Variants in SCAF8 observed in about 807,000 individuals in gnomAD.
The protein encoded by SCAF8 is SR-related and CTD-associated factor 8.
Under a neutral mutation model 140.5 loss-of-function variants are expected in SCAF8, and 23 were observed. The ratio of observed to expected loss-of-function variants is 0.16; its 90% CI spans 0.12 to 0.23. The LOEUF (loss-of-function observed/expected upper bound fraction) is 0.23. SCAF8 is among the 10% of genes least tolerant of loss of function. The probability of loss-of-function intolerance (pLI) is 1.00; values close to 1 mark genes in which losing one functional copy is unlikely to be tolerated. For synonymous variants in SCAF8, 575 were observed against 528.9 expected (o/e 1.09, Z -1.20); for missense variants, 1,397 against 1,555.7 (o/e 0.90, Z 1.72).
chr6:154,815,776 C>G lies in SCAF8; in HGVS notation c.1481C>G (p.Thr494Ser). Reference sequence around the variant, plus strand: ...AAGAAGGCAACACAGCAAGACTTAACCAACCTGTTTGAAGAGTTTGGACAG... The same window carrying G: ...AAGAAGGCAACACAGCAAGACTTAAGCAACCTGTTTGAAGAGTTTGGACAG... Reference protein sequence around the residue: ...VDKKATQQDLTNLFEEFGQIE... With the variant: ...VDKKATQQDLSNLFEEFGQIE... The change falls in exon 13 of 20, where the codon ACC becomes AGC. Residue 494 changes from threonine to serine, a missense_variant. By Grantham distance (58) the Thr-to-Ser change is moderately conservative (BLOSUM62 1). Around this residue, in one of 5 missense-constraint regions of SCAF8, gnomAD observed 59 missense variants for 110.7 expected, o/e 0.53. Coordinates refer to ENST00000367178, the MANE Select transcript of SCAF8 (RefSeq NM_014892.5). The G allele has an allele frequency of 6.2e-7, 1 of 1,612,896 alleles. No individual in the cohort carries two copies. Among genetic ancestry groups the G allele is most frequent in the Non-Finnish European group, 8.5e-7 (1 of 1,179,128 alleles).
At chr6:154,738,827 C>T (rs895291527) in intron 1 of SCAF8, among the ~76,000 whole-genome samples, 2 of 152,214 alleles carry the variant, frequency 1.3e-5, no homozygotes, top group Non-Finnish European at 2.9e-5. Flanking sequence ...TATCTATACT[C>T]TGTACTTAAG....
At chr6:154,819,278 G>T (rs1778346202) in intron 14 of SCAF8, among the ~76,000 whole-genome samples, 1 of 152,046 alleles carries the variant, frequency 6.6e-6, no homozygotes. Context: ...GTCTCCTCTG[G>T]AATAAAAGAT....
chr6:154,793,026 T>C, intron 5 of SCAF8, 50 bp downstream of exon 5: 1 of 1,413,808 alleles, frequency 7.1e-7, no homozygotes, highest in Non-Finnish European at 9.5e-7. Flanking sequence ...ACTCATACTT[T>C]TTGGATGACT....
chr6:154,749,634 G>A (rs1052639124), intron 1 of SCAF8, among the ~76,000 whole-genome samples: 15 of 152,170 alleles, frequency 9.9e-5, no homozygotes, highest in Non-Finnish European at 1.8e-4. Context: ...TGTGCAAAAC[G>A]TAAAAGCTCA....
At chr6:154,784,911 C>G (rs1169121182) in intron 3 of SCAF8, among the ~76,000 whole-genome samples, 1 of 152,196 alleles carries the variant, frequency 6.6e-6, no homozygotes, top group East Asian at 1.9e-4. Flanking sequence ...AGCTCCCACT[C>G]ATTTCAAGAA....
rs146655506 is a variant in SCAF8 at position 154,832,906 on chromosome 6, C to G, written c.3327C>G (p.Val1109=). The part of the protein sequence containing the change: ...FDEREHRVLP[V]YGGPKGLHEE... ...AGAGAGAGCATCGGGTTCTACCGGTCTATGGTGGTCCAAAAGGCTTACATG... is the reference window on the plus strand; with the variant it reads ...AGAGAGAGCATCGGGTTCTACCGGTGTATGGTGGTCCAAAAGGCTTACATG... The change falls in exon 20 of 20, where the codon GTC becomes GTG. Residue 1109 remains valine (V), a synonymous_variant. Transcript: ENST00000367178. 7.3e-4 allele frequency: 1,171 copies of G among 1,613,898 alleles called. 2 individuals carry two copies. Among genetic ancestry groups the G allele is most frequent in the Non-Finnish European group, 9.2e-4 (1,086 of 1,180,008 alleles).
rs58013583 is a variant in SCAF8 at position 154,831,703 on chromosome 6, T to TAAAAAA, written c.2360-202_2360-197dup. On this transcript the variant is annotated intron_variant, in intron 19 of 19. Transcript: ENST00000367178. ...CCTTTTAAACCTCCACTCCTGTTCT[T>TAAAAAA]AAAAAAAAAAAAAAAAAAAAAAAAA... 1.7e-3 allele frequency among the ~76,000 whole-genome samples: 84 copies of TAAAAAA among 48,090 alleles called. 3 individuals carry two copies. Among genetic ancestry groups the TAAAAAA allele is most frequent in the South Asian group, 3.9e-3 (3 of 762 alleles). 31.5% of individuals were successfully genotyped at this position (48,090 alleles called of 152,430 possible).
At chr6:154,827,087 A>C in intron 17 of SCAF8, 85 bp from the exon 18 acceptor site, 1 of 1,079,802 alleles carries the variant, frequency 9.3e-7, no homozygotes, top group Middle Eastern at 2.0e-4. Context: ...AAGAATATGA[A>C]GTTTCATTTG....
intron 17 of SCAF8, among the ~76,000 whole-genome samples, chr6:154,825,687 T>A (rs1156465003): frequency 6.7e-6 from 1 of 150,100 alleles, no homozygotes; most frequent in Non-Finnish European, 1.5e-5. Context: ...GCTTTTATTA[T>A]TAGACCATGG....
intron 1 of SCAF8, among the ~76,000 whole-genome samples, chr6:154,744,626 C>G (rs1017942990): frequency 6.6e-6 from 1 of 152,116 alleles, no homozygotes; most frequent in Admixed American, 6.5e-5. Flanking sequence ...TTAGAAGGAC[C>G]TAGTTCTCAA....
At chr6:154,789,545 T>G in intron 4 of SCAF8, among the ~76,000 whole-genome samples, 1 of 134,408 alleles carries the variant, frequency 7.4e-6, no homozygotes, top group East Asian at 2.1e-4. Flanking sequence ...ATGCTTCTAA[T>G]TTTTTTTTTT....
At position 154,755,941 on chromosome 6, in the gene SCAF8, G is replaced by A. The variant is rs113040018; in HGVS notation, c.31-18048G>A. ...TAAAGAGAGAGTTATTGATGAGTATGTTATAAATGTAAATAGCCTGGAAGC... is the reference window on the plus strand; with the variant it reads ...TAAAGAGAGAGTTATTGATGAGTATATTATAAATGTAAATAGCCTGGAAGC... On this transcript the variant is annotated intron_variant, in intron 1 of 19. Coordinates refer to ENST00000367178, the MANE Select transcript of SCAF8 (RefSeq NM_014892.5). Among the ~76,000 whole-genome samples, 859 of 152,292 alleles carry A rather than the reference G, an allele frequency of 5.6e-3. 13 individuals carry two copies. Among genetic ancestry groups the A allele is most frequent in the African/African-American group, 0.02 (815 of 41,544 alleles).
At chr6:154,816,711 C>G (rs929785347) in intron 13 of SCAF8, among the ~76,000 whole-genome samples, 1 of 152,198 alleles carries the variant, frequency 6.6e-6, no homozygotes, top group South Asian at 2.1e-4. Flanking sequence ...CAGAAAATTG[C>G]CCAGTTTTCC....
At chr6:154,769,527 T>G (rs1776676623) in intron 1 of SCAF8, among the ~76,000 whole-genome samples, 1 of 152,250 alleles carries the variant, frequency 6.6e-6, no homozygotes, top group African/African-American at 2.4e-5. Flanking sequence ...TTTACTATTA[T>G]TCACTGTAAT....
chr6:154,743,713 G>C (rs1778627569), intron 1 of SCAF8, among the ~76,000 whole-genome samples: 1 of 151,986 alleles, frequency 6.6e-6, no homozygotes. Context: ...GGCTTTCTTT[G>C]ATCTAGCAAT....
chr6:154,784,120 G>GAGAGATATATATATAT (rs1362230678), intron 3 of SCAF8, among the ~76,000 whole-genome samples: 7 of 106,882 alleles, frequency 6.5e-5, no homozygotes, highest in Admixed American at 1.1e-4. Context: ...GGTGTCTTGA[G>GAGAGATATATATATAT]ATATATATAT....
At chr6:154,739,730 C>T (rs1374595377) in intron 1 of SCAF8, among the ~76,000 whole-genome samples, 1 of 152,176 alleles carries the variant, frequency 6.6e-6, no homozygotes, top group Admixed American at 6.5e-5. Flanking sequence ...TTAATATCCA[C>T]TACATTTTTC....
At chr6:154,753,282 A>G (rs1778883762) in intron 1 of SCAF8, among the ~76,000 whole-genome samples, 1 of 152,156 alleles carries the variant, frequency 6.6e-6, no homozygotes, top group Admixed American at 6.5e-5. Flanking sequence ...CCTAGTCAAT[A>G]CGGTGAAACC....
intron 13 of SCAF8, among the ~76,000 whole-genome samples, chr6:154,816,777 T>C (rs907776733): frequency 6.6e-6 from 1 of 152,248 alleles, no homozygotes; most frequent in African/African-American, 2.4e-5. Context: ...TTTTCTGTAA[T>C]AGTAACAGAA....
Sources: gnomAD v4.1 joint callset for allele counts (sites outside exome capture counted in the v4.1 genomes callset) on GRCh38, gnomAD v4.1.1 for gene constraint, gnomAD v4.1.1 regional missense constraint, MANE v1.5 for transcripts, NCBI Gene and HGNC (gene_info 2026-07-23, HGNC 2026-07-21) for gene names.